GLIS3: variants seen among roughly 807,000 people sequenced by gnomAD.
GLIS3 encodes the protein zinc finger protein GLIS3.
GLIS3 carries 53 observed loss-of-function variants against 78.6 expected under a neutral mutation model. The observed-to-expected ratio is 0.67, with a 90% CI of 0.54 to 0.85. The LOEUF (loss-of-function observed/expected upper bound fraction) is 0.85, where lower values mean the gene tolerates loss of function less well. GLIS3 is among the 40% of genes least tolerant of loss of function. The pLI is 0.00. For synonymous variants in GLIS3, 684 were observed against 509.9 expected (o/e 1.34, Z -4.60); for missense variants, 1,703 against 1,231.1 (o/e 1.38, Z -5.74).
At chr9:4,486,984 C>T in the GLIS3 span, among the ~76,000 whole-genome samples, 4 of 152,194 alleles carry the variant, frequency 2.6e-5, no homozygotes, top group South Asian at 2.1e-4. Context: ...AGGTGTGAGT[C>T]GACACTCCCG....
intron 2 of GLIS3, among the ~76,000 whole-genome samples, chr9:4,261,489 T>A (rs1358582730): frequency 1.3e-5 from 2 of 152,162 alleles, no homozygotes; most frequent in African/African-American, 4.8e-5. Flanking sequence ...AATATCTCTA[T>A]GGTAGAATAA....
the GLIS3 span, among the ~76,000 whole-genome samples, chr9:4,484,579 G>C: frequency 6.6e-6 from 1 of 151,468 alleles, no homozygotes. Flanking sequence ...CACCACACCT[G>C]GCTAATTTTT....
rs535394774 is a variant in GLIS3 at position 4,248,157 on chromosome 9, T to C, written c.388+37881A>G. 7.9e-5 allele frequency among the ~76,000 whole-genome samples: 12 copies of C among 152,288 alleles called. No homozygotes were observed. The South Asian group carries it at 2.5e-3, about 32-fold the overall frequency. ...AGAACGTCCAGGCTTGTTACATAGGTATGCACGTGACATAATGGTTTGCTG... is the reference window on the plus strand; with the variant it reads ...AGAACGTCCAGGCTTGTTACATAGGCATGCACGTGACATAATGGTTTGCTG... On this transcript the variant is annotated intron_variant, in intron 2 of 10. Transcript: ENST00000381971.
In GLIS3 at chr9:4,033,864, T is replaced by TAAAAAA. The variant is rs34745570; in HGVS notation, c.1710+83898_1710+83903dup. On this transcript the variant is annotated intron_variant, in intron 4 of 10. Coordinates refer to ENST00000381971, the MANE Select transcript of GLIS3 (RefSeq NM_001042413.2). ...TGCCCCCAAAAACATAGGCGAAGGATAAAAAAAAAAAAAAAAAAAAAAAAA... is the reference window on the plus strand; with the variant it reads ...TGCCCCCAAAAACATAGGCGAAGGATAAAAAAAAAAAAAAAAAAAAAAAAAAAAAAA... Among the ~76,000 whole-genome samples, 64 of 67,992 alleles carry TAAAAAA rather than the reference T, an allele frequency of 9.4e-4. 5 individuals carry two copies. Among genetic ancestry groups the TAAAAAA allele is most frequent in the African/African-American group, 3.5e-3 (56 of 16,002 alleles). 44.6% of individuals were successfully genotyped at this position (67,992 alleles called of 152,430 possible).
chr9:4,384,208 A>G, the GLIS3 span, among the ~76,000 whole-genome samples: 1 of 152,218 alleles, frequency 6.6e-6, no homozygotes. Flanking sequence ...GGTGGTGAAC[A>G]CAGGGTGCTG....
chr9:4,146,168 G>A (rs994512450), intron 2 of GLIS3, among the ~76,000 whole-genome samples: 1 of 152,094 alleles, frequency 6.6e-6, no homozygotes, highest in Non-Finnish European at 1.5e-5. Context: ...AAGCTGGGAG[G>A]AAAGTGCACT....
chr9:4,274,571 C>T (rs553359126), intron 2 of GLIS3, among the ~76,000 whole-genome samples: 9 of 152,200 alleles, frequency 5.9e-5, no homozygotes, highest in Non-Finnish European at 1.3e-4. Flanking sequence ...GAAGAGTCAG[C>T]GGTCATCCTG....
chr9:4,416,894 C>T, the GLIS3 span, among the ~76,000 whole-genome samples: 2 of 147,196 alleles, frequency 1.4e-5, no homozygotes, highest in Non-Finnish European at 3.0e-5. Context: ...TCTTGGCTCA[C>T]TGCAACCTCT....
intron 4 of GLIS3, among the ~76,000 whole-genome samples, chr9:4,023,817 A>C (rs1187126065): frequency 6.6e-6 from 1 of 152,130 alleles, no homozygotes; most frequent in Non-Finnish European, 1.5e-5. Context: ...TGGTTCACAA[A>C]CTTTGTTACT....
In GLIS3 at chr9:4,289,740, T is replaced by C. The variant is rs572380800; in HGVS notation, c.-98-3217A>G. On this transcript the variant is annotated intron_variant, in intron 1 of 10. Transcript: ENST00000381971. ...TTAGGATATTTTGGATCTGACATTG[T>C]GGCATAGCTAGAGTTTTATACTACA... 3.3e-5 allele frequency among the ~76,000 whole-genome samples: 5 copies of C among 152,260 alleles called. No homozygotes were observed. In the East Asian group the frequency reaches 5.8e-4, roughly 18 times the overall value.
At chr9:3,895,689 C>G (rs1822780949) in intron 7 of GLIS3, among the ~76,000 whole-genome samples, 1 of 152,222 alleles carries the variant, frequency 6.6e-6, no homozygotes, top group Non-Finnish European at 1.5e-5. Flanking sequence ...TGTTCCAGAA[C>G]TGCCATCTTC....
At chr9:4,477,460 G>A in the GLIS3 span, among the ~76,000 whole-genome samples, 1 of 152,190 alleles carries the variant, frequency 6.6e-6, no homozygotes, top group African/African-American at 2.4e-5. Flanking sequence ...TGTCACCCAG[G>A]TTGTAATGCA....
At chr9:3,828,757 C>T (rs931255146) in intron 10 of GLIS3, among the ~76,000 whole-genome samples, 1 of 152,060 alleles carries the variant, frequency 6.6e-6, no homozygotes, top group Non-Finnish European at 1.5e-5. Flanking sequence ...AAGAACATTC[C>T]AGAAGGAGGA....
chr9:4,351,948 C>T (rs1296285606), upstream of GLIS3, among the ~76,000 whole-genome samples: 1 of 152,118 alleles, frequency 6.6e-6, no homozygotes, highest in Non-Finnish European at 1.5e-5. Context: ...CATTTTGGAT[C>T]TAAAGAGTTT....
intron 2 of GLIS3, among the ~76,000 whole-genome samples, chr9:4,212,730 A>T (rs1820483093): frequency 6.6e-6 from 1 of 152,216 alleles, no homozygotes; most frequent in Non-Finnish European, 1.5e-5. Context: ...GGCAAGAGAG[A>T]TAGAACATGT....
At chr9:4,214,223 C>T (rs1820624259) in intron 2 of GLIS3, among the ~76,000 whole-genome samples, 1 of 152,194 alleles carries the variant, frequency 6.6e-6, no homozygotes, top group Non-Finnish European at 1.5e-5. Flanking sequence ...ATCATCTTGT[C>T]ATAAAAGCTT....
intron 7 of GLIS3, among the ~76,000 whole-genome samples, chr9:3,884,374 G>A (rs1203734328): frequency 6.6e-6 from 1 of 152,314 alleles, no homozygotes; most frequent in Non-Finnish European, 1.5e-5. Flanking sequence ...CAGAGGGAAA[G>A]GATGAAGACC....
chr9:4,229,394 A>C (rs1822060250), intron 2 of GLIS3, among the ~76,000 whole-genome samples: 1 of 152,262 alleles, frequency 6.6e-6, no homozygotes, highest in Non-Finnish European at 1.5e-5. Flanking sequence ...CAAGTTGTCT[A>C]ACTTTGGTTG....
rs551602275 is a variant in GLIS3 at position 4,041,198 on chromosome 9, G to A, written c.1710+76570C>T. 2.8e-4 allele frequency among the ~76,000 whole-genome samples: 42 copies of A among 152,256 alleles called. 1 individual carries two copies. The South Asian group carries it at 6.2e-3, about 23-fold the overall frequency. On this transcript the variant is annotated intron_variant, in intron 4 of 10. Transcript: ENST00000381971. ...CCCTGGGAAGCTTATTAAAAGCCCC[G>A]GGGGATGTCTAGCAATGACTGGAGA...
Sources: allele counts gnomAD v4.1 joint callset (sites outside exome capture counted in the v4.1 genomes callset), GRCh38; gene constraint gnomAD v4.1.1; transcripts MANE v1.5; gene names NCBI Gene and HGNC (gene_info 2026-07-23, HGNC 2026-07-21).